The following REDIC1 variants were observed in gnomAD, a reference collection of about 807,000 sequenced individuals.
The protein encoded by REDIC1 is HEI10 Interacting Protein 1.
chr12:39,824,632 G>A, the REDIC1 span, among the ~76,000 whole-genome samples: 1 of 152,178 alleles, frequency 6.6e-6, no homozygotes, highest in Admixed American at 6.5e-5. Context: ...AGGCCAGGTT[G>A]CCTCACACTG....
At chr12:39,832,226 A>G in the REDIC1 span, among the ~76,000 whole-genome samples, 1 of 152,144 alleles carries the variant, frequency 6.6e-6, no homozygotes, top group Non-Finnish European at 1.5e-5. Context: ...TTTGAGAACC[A>G]GACTAGGCTA....
chr12:39,816,485 C>A, the REDIC1 span, among the ~76,000 whole-genome samples: 1 of 150,376 alleles, frequency 6.6e-6, no homozygotes. Flanking sequence ...ATGTAAATGA[C>A]GAGTTAATGG....
At chr12:39,858,635 C>G in the REDIC1 span, among the ~76,000 whole-genome samples, 1 of 152,128 alleles carries the variant, frequency 6.6e-6, no homozygotes, top group African/African-American at 2.4e-5. Context: ...GAGATGGAGT[C>G]TTGCACTATT....
At chr12:39,707,397 T>C in the REDIC1 span, among the ~76,000 whole-genome samples, 3 of 151,926 alleles carry the variant, frequency 2.0e-5, no homozygotes, top group Non-Finnish European at 4.4e-5. Flanking sequence ...GGAACCCTTA[T>C]ACACTACCAA....
At chr12:39,901,508 A>C in the REDIC1 span, among the ~76,000 whole-genome samples, 18 of 137,128 alleles carry the variant, frequency 1.3e-4, no homozygotes, top group African/African-American at 4.9e-4. Context: ...AAAAACAAAC[A>C]ACCCCATCAA....
At chr12:39,850,697 A>G in the REDIC1 span, among the ~76,000 whole-genome samples, 2 of 152,342 alleles carry the variant, frequency 1.3e-5, no homozygotes, top group Admixed American at 1.3e-4. Context: ...TATATGAATA[A>G]GGATGATAAT....
the REDIC1 span, among the ~76,000 whole-genome samples, chr12:39,657,657 A>G: frequency 6.6e-6 from 1 of 152,250 alleles, no homozygotes; most frequent in Middle Eastern, 3.4e-3. Context: ...TGTAGAATTT[A>G]TTGACATAAA....
chr12:39,669,935 C>T, the REDIC1 span, among the ~76,000 whole-genome samples: 2 of 152,178 alleles, frequency 1.3e-5, no homozygotes, highest in Non-Finnish European at 2.9e-5. Flanking sequence ...CCCGATTTTT[C>T]AGGTGCCGTC....
the REDIC1 span, among the ~76,000 whole-genome samples, chr12:39,719,116 G>T: frequency 6.6e-6 from 1 of 152,010 alleles, no homozygotes; most frequent in Non-Finnish European, 1.5e-5. Context: ...TTTTGCTTGT[G>T]TATATGTAAA....
chr12:39,820,098 TA>T, the REDIC1 span, among the ~76,000 whole-genome samples: 3 of 152,086 alleles, frequency 2.0e-5, no homozygotes, highest in South Asian at 4.1e-4. Flanking sequence ...CTTTCCCCTA[TA>T]ACTCATTTAC....
chr12:39,676,337 A>G, the REDIC1 span, among the ~76,000 whole-genome samples: 1 of 152,308 alleles, frequency 6.6e-6, no homozygotes, highest in African/African-American at 2.4e-5. Flanking sequence ...GAATCGAACA[A>G]GTAGAAGAAA....
chr12:39,812,627 T>G, the REDIC1 span, among the ~76,000 whole-genome samples: 1 of 151,276 alleles, frequency 6.6e-6, no homozygotes, highest in East Asian at 2.0e-4. Context: ...CGCCCACGGC[T>G]ACGCCCGGCT....
the REDIC1 span, among the ~76,000 whole-genome samples, chr12:39,681,826 T>C: frequency 6.6e-5 from 10 of 152,108 alleles, no homozygotes; most frequent in Admixed American, 1.3e-4. Context: ...AAAATAGTTA[T>C]TAGAGTTTTA....
the REDIC1 span, among the ~76,000 whole-genome samples, chr12:39,833,185 T>C: frequency 2.0e-5 from 3 of 152,142 alleles, no homozygotes; most frequent in South Asian, 2.1e-4. Context: ...TCTTTACTTA[T>C]TGTTTATGAC....
the REDIC1 span, among the ~76,000 whole-genome samples, chr12:39,904,552 C>T: frequency 6.6e-6 from 1 of 152,048 alleles, no homozygotes; most frequent in Non-Finnish European, 1.5e-5. Context: ...ATGCCAACTG[C>T]CACTTGCCAC....
chr12:39,655,512 T>A, the REDIC1 span, among the ~76,000 whole-genome samples: 5 of 152,320 alleles, frequency 3.3e-5, no homozygotes, highest in Non-Finnish European at 5.9e-5. Flanking sequence ...GTATGCATCC[T>A]CCTAGATGAC....
the REDIC1 span, among the ~76,000 whole-genome samples, chr12:39,804,820 G>A: frequency 2.0e-5 from 3 of 152,150 alleles, no homozygotes; most frequent in Non-Finnish European, 2.9e-5. Flanking sequence ...TATAGATGGA[G>A]AATTATATAC....
the REDIC1 span, among the ~76,000 whole-genome samples, chr12:39,675,318 A>AT: frequency 1.9e-4 from 29 of 150,220 alleles, no homozygotes; most frequent in South Asian, 1.7e-3. Flanking sequence ...CCCTTACCTG[A>AT]TTTTTTTTTT....
the REDIC1 span, among the ~76,000 whole-genome samples, chr12:39,720,107 A>C: frequency 6.6e-6 from 1 of 152,050 alleles, no homozygotes; most frequent in Non-Finnish European, 1.5e-5. Flanking sequence ...ATTTATGCTT[A>C]GAAAATTGAA....
Sources: gnomAD v4.1 joint callset for allele counts (sites outside exome capture counted in the v4.1 genomes callset) on GRCh38, gnomAD v4.1.1 for gene constraint, MANE v1.5 for transcripts, NCBI Gene and HGNC (gene_info 2026-07-23, HGNC 2026-07-21) for gene names.